The following TMEM196 variants were observed in gnomAD, a reference collection of about 807,000 sequenced individuals.
The protein encoded by TMEM196 is transmembrane protein 196.
TMEM196 carries 17 observed loss-of-function variants against 20.0 expected under a neutral mutation model. The observed-to-expected ratio is 0.85, with a 90% CI of 0.58 to 1.27. The LOEUF (loss-of-function observed/expected upper bound fraction) is 1.27. Among genes scored for constraint, TMEM196 ranks in the 50% most tolerant of loss-of-function variants. TMEM196 has a pLI of 0.00. For synonymous variants in TMEM196, 113 were observed against 88.9 expected (o/e 1.27, Z -1.52); for missense variants, 267 against 223.0 (o/e 1.20, Z -1.26).
At chr7:19,754,037 T>C (rs1288512586) in intron 1 of TMEM196, among the ~76,000 whole-genome samples, 1 of 152,230 alleles carries the variant, frequency 6.6e-6, no homozygotes, top group Non-Finnish European at 1.5e-5. Context: ...TTTATGTGGA[T>C]TGAGTAGGAG....
At chr7:19,746,841 T>A (rs2128027573) in intron 1 of TMEM196, among the ~76,000 whole-genome samples, 1 of 152,356 alleles carries the variant, frequency 6.6e-6, no homozygotes. Context: ...GGGGGCTTAA[T>A]TGCCTTGCTC....
chr7:19,771,374 T>A (rs913432860), intron 1 of TMEM196, among the ~76,000 whole-genome samples: 7 of 152,198 alleles, frequency 4.6e-5, no homozygotes, highest in African/African-American at 1.7e-4. Context: ...TAAAAACATT[T>A]ATCTCACCTG....
At chr7:19,730,366 A>C (rs1784161333) in intron 1 of TMEM196, among the ~76,000 whole-genome samples, 1 of 152,238 alleles carries the variant, frequency 6.6e-6, no homozygotes, top group South Asian at 2.1e-4. Flanking sequence ...CAGTCACATC[A>C]GATTATCTAC....
intron 1 of TMEM196, among the ~76,000 whole-genome samples, chr7:19,747,895 C>G (rs1222653795): frequency 1.2e-4 from 19 of 152,044 alleles, no homozygotes. Flanking sequence ...GCTTTTCTCC[C>G]TAAAGGTTAT....
At chr7:19,747,792 A>G (rs1784814338) in intron 1 of TMEM196, among the ~76,000 whole-genome samples, 1 of 152,226 alleles carries the variant, frequency 6.6e-6, no homozygotes. Flanking sequence ...AACCAAAGAC[A>G]GCTGCTGGTT....
intron 2 of TMEM196, among the ~76,000 whole-genome samples, chr7:19,729,091 A>G (rs1784100255): frequency 6.6e-6 from 1 of 152,162 alleles, no homozygotes; most frequent in African/African-American, 2.4e-5. Flanking sequence ...GGCAGTCTCC[A>G]GATTGGAAAA....
At chr7:19,747,280 T>TAAAAA (rs542868041) in intron 1 of TMEM196, among the ~76,000 whole-genome samples, 45 of 145,186 alleles carry the variant, frequency 3.1e-4, no homozygotes, top group East Asian at 2.6e-3. Context: ...TAAAATAAAA[T>TAAAAA]AAAAATAAAA....
intron 1 of TMEM196, among the ~76,000 whole-genome samples, chr7:19,732,645 G>A (rs1411653095): frequency 6.2e-5 from 9 of 145,686 alleles, no homozygotes; most frequent in Non-Finnish European, 3.0e-5. Flanking sequence ...GTGTGTGTTA[G>A]TTCAGTGTAG....
intron 1 of TMEM196, among the ~76,000 whole-genome samples, chr7:19,763,218 C>G (rs998686842): frequency 2.0e-5 from 3 of 152,156 alleles, no homozygotes; most frequent in Non-Finnish European, 4.4e-5. Flanking sequence ...ATAAATTTAT[C>G]TGCTGGGATA....
chr7:19,769,836 T>A (rs1265537586), intron 1 of TMEM196, among the ~76,000 whole-genome samples: 6 of 152,242 alleles, frequency 3.9e-5, no homozygotes, highest in Non-Finnish European at 4.4e-5. Flanking sequence ...GTGCCTAGGT[T>A]ATTGCAAATA....
At chr7:19,750,459 G>C (rs764832731) in intron 1 of TMEM196, among the ~76,000 whole-genome samples, 6 of 151,892 alleles carry the variant, frequency 4.0e-5, no homozygotes, top group Non-Finnish European at 7.4e-5. Flanking sequence ...AAGTAGTTGA[G>C]GTATTTAATC....
chr7:19,735,694 G>T (rs1784374886), intron 1 of TMEM196, among the ~76,000 whole-genome samples: 3 of 152,246 alleles, frequency 2.0e-5, no homozygotes, highest in Non-Finnish European at 4.4e-5. Flanking sequence ...GAGCAGGCAA[G>T]GTTGAAGGAG....
chr7:19,737,593 T>C (rs1156374457), intron 1 of TMEM196, among the ~76,000 whole-genome samples: 1 of 151,914 alleles, frequency 6.6e-6, no homozygotes, highest in African/African-American at 2.4e-5. Context: ...AAAAGTGAGA[T>C]ACCAAGACAC....
chr7:19,728,837 T>G (rs1236729916), intron 2 of TMEM196, among the ~76,000 whole-genome samples: 1 of 152,168 alleles, frequency 6.6e-6, no homozygotes, highest in East Asian at 1.9e-4. Context: ...AAACCCACTA[T>G]AGTACCATAA....
chr7:19,744,020 T>C (rs1784664611), intron 1 of TMEM196, among the ~76,000 whole-genome samples: 1 of 152,178 alleles, frequency 6.6e-6, no homozygotes. Context: ...TTTTAAGGAC[T>C]AGATTGTGGA....
chr7:19,734,706 G>A (rs1784336700), intron 1 of TMEM196, among the ~76,000 whole-genome samples: 1 of 152,204 alleles, frequency 6.6e-6, no homozygotes, highest in Non-Finnish European at 1.5e-5. Context: ...TCTCCCTGGA[G>A]CCTCCAGAAA....
intron 1 of TMEM196, among the ~76,000 whole-genome samples, chr7:19,769,040 T>C (rs13438370): frequency 0.015 from 2,280 of 152,214 alleles, 61 homozygotes; most frequent in African/African-American, 0.051. Flanking sequence ...ATAATCCTTT[T>C]ATAGTGCAGC....
chr7:19,728,329 A>G (rs1456919817), intron 2 of TMEM196, among the ~76,000 whole-genome samples: 1 of 152,168 alleles, frequency 6.6e-6, no homozygotes, highest in Non-Finnish European at 1.5e-5. Flanking sequence ...GAGAATGAAG[A>G]CCATGTGTAA....
intron 2 of TMEM196, among the ~76,000 whole-genome samples, chr7:19,725,969 C>T (rs552773814): frequency 1.1e-4 from 17 of 152,140 alleles, no homozygotes; most frequent in Admixed American, 7.2e-4. Context: ...TCACAGTAGA[C>T]AGAGGGAGTA....
Sources: allele counts gnomAD v4.1 joint callset (sites outside exome capture counted in the v4.1 genomes callset), GRCh38; gene constraint gnomAD v4.1.1; transcripts MANE v1.5; gene names NCBI Gene and HGNC (gene_info 2026-07-23, HGNC 2026-07-21).